ZNF619: variants seen among roughly 807,000 people sequenced by gnomAD.
ZNF619 encodes zinc finger protein 619.
ZNF619 carries 9 observed loss-of-function variants against 14.2 expected under a neutral mutation model. That is an observed-to-expected ratio of 0.64 (90% CI 0.38 to 1.11). The LOEUF (loss-of-function observed/expected upper bound fraction) is 1.11, where lower values mean the gene tolerates loss of function less well. Among genes scored for constraint, ZNF619 ranks in the 50% least tolerant of loss-of-function variants. The pLI is 0.01. For synonymous variants in ZNF619, 246 were observed against 252.8 expected (o/e 0.97, Z 0.26); for missense variants, 659 against 680.1 (o/e 0.97, Z 0.34).
rs1286735771 is a variant in ZNF619 at position 40,490,725 on chromosome 3, A to G, written c.*2484A>G. Among the ~76,000 whole-genome samples, 1 of 152,228 alleles carries G rather than the reference A, an allele frequency of 6.6e-6. No individual in the cohort carries two copies. The highest frequency in any genetic ancestry group is 1.5e-5 in the Non-Finnish European group (1 of 68,048). ...TCTTAATATTTTCTCTAGCTTTATT[A>G]TAAGAATATAGTGTCTAATATGTAT... On this transcript the variant is annotated 3_prime_UTR_variant, in exon 5 of 5. Transcript: ENST00000432264.
In ZNF619 at chr3:40,482,705, G is replaced by C; in HGVS notation, c.295+1G>C. On this transcript the variant is annotated splice_donor_variant, in intron 4 of 4. Transcript: ENST00000432264. LOFTEE classifies it high-confidence loss of function. ...GAGGCCCTGAGAGGCATGTGCACAGGTGAGCAGGAGAGCCTACCATCCTCC... is the reference window on the plus strand; with the variant it reads ...GAGGCCCTGAGAGGCATGTGCACAGCTGAGCAGGAGAGCCTACCATCCTCC... 1 of 1,603,018 alleles carries C rather than the reference G, an allele frequency of 6.2e-7. No homozygotes were observed. The highest frequency in any genetic ancestry group is 8.5e-7 in the Non-Finnish European group (1 of 1,174,724).
chr3:40,487,626 T>C lies in ZNF619; in HGVS notation c.1116T>C (p.Tyr372=), dbSNP rs150749021. 5,696 of 1,614,132 alleles carry C rather than the reference T, an allele frequency of 3.5e-3. 13 individuals carry two copies. The highest frequency in any genetic ancestry group is 8.4e-3 in the Middle Eastern group (51 of 6,062). ...HQRIHTGEKP[Y]ECKECGKAFH... ...GAATCCACACTGGGGAGAAACCTTA[T>C]GAATGTAAAGAGTGTGGCAAGGCCT... Residue 372 remains tyrosine, a synonymous_variant, in exon 5 of 5, where the codon TAT becomes TAC. Transcript: ENST00000432264.
intron 1 of ZNF619, chr3:40,477,658 T>A (rs536802791): frequency 3.3e-4 from 114 of 342,362 alleles, no homozygotes; most frequent in African/African-American, 1.3e-3. Flanking sequence ...GAATTTTTTT[T>A]AAAAAACAGC....
At chr3:40,486,720 T>G in intron 4 of ZNF619, 86 bp from the exon 5 acceptor site, 2 of 1,047,922 alleles carry the variant, frequency 1.9e-6, no homozygotes, top group Non-Finnish European at 2.7e-6. Flanking sequence ...AAAAAATTCA[T>G]GTGTCTAGGG....
chr3:40,486,912 C>T lies in ZNF619; in HGVS notation c.402C>T (p.Pro134=). The T allele has an allele frequency of 6.2e-7, 1 of 1,614,150 alleles. No homozygotes were observed. The highest frequency in any genetic ancestry group is 8.5e-7 in the Non-Finnish European group (1 of 1,180,020). ...LIVEGLLMDV[P]QHPDFKDRLE... ...TGGAGGGACTGCTGATGGACGTTCC[C>T]CAGCACCCTGACTTCAAGGACAGGT... The change falls in exon 5 of 5, where the codon CCC becomes CCT. Residue 134 remains proline, a synonymous_variant. Coordinates refer to ENST00000432264, the MANE Select transcript of ZNF619 (RefSeq NM_001145093.4).
chr3:40,481,882 T>G lies in ZNF619; in HGVS notation c.44T>G (p.Leu15Trp). Residue 15 changes from leucine to tryptophan, a missense_variant, in exon 3 of 5, where the codon TTG becomes TGG. Leu to Trp is a moderately conservative substitution (Grantham distance 61). Coordinates refer to ENST00000432264, the MANE Select transcript of ZNF619 (RefSeq NM_001145093.4). ...VWFQGLGRNL[L>W]FQEPVTFEDV... ...GTGCAGGGCTTGGGCAGGAACCTGT[T>G]GTTTCAGGAGCCAGTAACCTTTGAG... is the stretch of plus-strand genomic sequence containing the variant. 1.2e-6 allele frequency: 2 copies of G among 1,611,178 alleles called. No individual in the cohort carries two copies. The highest frequency in any genetic ancestry group is 1.7e-6 in the Non-Finnish European group (2 of 1,178,732).
chr3:40,480,594 G>A (rs1697354561), intron 2 of ZNF619, among the ~76,000 whole-genome samples: 1 of 151,806 alleles, frequency 6.6e-6, no homozygotes, highest in South Asian at 2.1e-4. Flanking sequence ...TGCCTCCGGG[G>A]TTCACGCCAT....
At chr3:40,477,489 G>C (rs559264608) in intron 1 of ZNF619, 132 bp downstream of exon 1, 4 of 161,610 alleles carry the variant, frequency 2.5e-5, no homozygotes, top group Non-Finnish European at 5.5e-5. Context: ...TGTCACCCGG[G>C]GCTGGGTCAC....
chr3:40,486,755 T>C (rs1244622507), intron 4 of ZNF619, 51 bp from the exon 5 acceptor site: 2 of 1,446,962 alleles, frequency 1.4e-6, no homozygotes, highest in Non-Finnish European at 1.9e-6. Flanking sequence ...TTAACCCTTT[T>C]CCCTTCTGGA....
intron 4 of ZNF619, among the ~76,000 whole-genome samples, chr3:40,486,223 C>G (rs1225889907): frequency 6.6e-6 from 1 of 152,182 alleles, no homozygotes; most frequent in East Asian, 1.9e-4. Flanking sequence ...CATTGCTTCC[C>G]CTTCCTGCAA....
chr3:40,478,954 C>A lies in ZNF619; in HGVS notation c.24+951C>A, dbSNP rs552359752. Among the ~76,000 whole-genome samples, 13 of 152,228 alleles carry A rather than the reference C, an allele frequency of 8.5e-5. No individual in the cohort carries two copies. The East Asian group carries it at 2.5e-3, about 29-fold the overall frequency. The stretch of plus-strand genomic sequence containing the variant: ...TGCTTTGCCTGAAGTACAGAAATCA[C>A]TTAGGATTAGATTCCCCAAAGAGGA... On this transcript the variant is annotated intron_variant, in intron 2 of 4. Transcript: ENST00000432264.
rs186155995 is a variant in ZNF619 at position 40,481,225 on chromosome 3, T to G, written c.25-638T>G. 1.9e-4 allele frequency among the ~76,000 whole-genome samples: 29 copies of G among 152,284 alleles called. No homozygotes were observed. In the East Asian group the frequency reaches 5.0e-3, roughly 26 times the overall value. ...GAAGCAGAAAGAGAGAGACACATAA[T>G]GAAGAGGACAGCATTGGCAGGTCAG... On this transcript the variant is annotated intron_variant, in intron 2 of 4. Transcript: ENST00000432264.
intron 3 of ZNF619, 188 bp downstream of exon 3, chr3:40,482,204 TTTCTC>T (rs747650418): frequency 5.4e-5 from 83 of 1,550,108 alleles, no homozygotes; most frequent in Non-Finnish European, 7.2e-5. Context: ...TAACAGGACT[TTTCTC>T]TTCCCTGGTT....
In ZNF619 at chr3:40,487,036, G is replaced by A. The variant is rs771511128; in HGVS notation, c.526G>A (p.Glu176Lys). Residue 176 changes from glutamate to lysine, a missense_variant, in exon 5 of 5, where the codon GAG becomes AAG. Coordinates refer to ENST00000432264, the MANE Select transcript of ZNF619 (RefSeq NM_001145093.4). ...QDHESSTTER[E>K]EIARKLEESS... Reference sequence around the variant, plus strand: ...TCATGAATCTTCCACCACTGAAAGGGAGGAGATAGCCAGGAAATTGGAAGA... The same window carrying A: ...TCATGAATCTTCCACCACTGAAAGGAAGGAGATAGCCAGGAAATTGGAAGA... 8 of 1,614,178 alleles carry A rather than the reference G, an allele frequency of 5.0e-6. No homozygotes were observed. The highest frequency in any genetic ancestry group is 1.6e-4 in the Middle Eastern group (1 of 6,062).
At chr3:40,478,220 G>T (rs1381178256) in intron 2 of ZNF619, among the ~76,000 whole-genome samples, 1 of 152,128 alleles carries the variant, frequency 6.6e-6, no homozygotes. Flanking sequence ...TAGAAAGTGG[G>T]AATCTGCATT....
rs756678367 is a variant in ZNF619 at position 40,482,379 on chromosome 3, C to A, written c.179-209C>A. 73 of 1,575,298 alleles carry A rather than the reference C, an allele frequency of 4.6e-5. No individual in the cohort carries two copies. The African/African-American group carries it at 6.0e-4, about 13-fold the overall frequency. On this transcript the variant is annotated intron_variant, in intron 3 of 4. Transcript: ENST00000432264. ...GTCCCCTAGGGCCCTCGTGTACACA[C>A]CCCCCAGTGACTCTGGGAGCATTCT...
At chr3:40,485,450 C>T (rs111380119) in intron 4 of ZNF619, among the ~76,000 whole-genome samples, 1,677 of 152,070 alleles carry the variant, frequency 0.011, 29 homozygotes, top group African/African-American at 0.036. Context: ...TACAGGTGCC[C>T]GCCACCACAT....
intron 2 of ZNF619, among the ~76,000 whole-genome samples, chr3:40,481,543 G>A (rs555762785): frequency 1.3e-5 from 2 of 152,300 alleles, no homozygotes; most frequent in South Asian, 4.1e-4. Context: ...ATGGATGGAG[G>A]CAGGGTGAAA....
rs1697729204 is a variant in ZNF619 at position 40,488,965 on chromosome 3, C to T, written c.*724C>T. Reference sequence around the variant, plus strand: ...TGAGCCACTGCATCTGGCCTGCTTTCAGGAGTTAAGGAGGGCCATTTGGTG... The same window carrying T: ...TGAGCCACTGCATCTGGCCTGCTTTTAGGAGTTAAGGAGGGCCATTTGGTG... On this transcript the variant is annotated 3_prime_UTR_variant, in exon 5 of 5. Transcript: ENST00000432264. The T allele has an allele frequency of 6.6e-6, 1 of 152,016 alleles. No individual in the cohort carries two copies. The highest frequency in any genetic ancestry group is 1.5e-5 in the Non-Finnish European group (1 of 68,018). 9.4% of individuals were successfully genotyped at this position (152,016 alleles called of 1,614,324 possible).
Sources: allele counts gnomAD v4.1 joint callset (sites outside exome capture counted in the v4.1 genomes callset), GRCh38; gene constraint gnomAD v4.1.1; transcripts MANE v1.5; gene names NCBI Gene and HGNC (gene_info 2026-07-23, HGNC 2026-07-21).